The following CALN1 variants were observed in gnomAD, a reference collection of about 807,000 sequenced individuals.
CALN1 encodes the protein calcium-binding protein 8.
CALN1 carries 17 observed loss-of-function variants against 30.6 expected under a neutral mutation model. The ratio of observed to expected loss-of-function variants is 0.56; its 90% CI spans 0.38 to 0.83. The LOEUF (loss-of-function observed/expected upper bound fraction) is 0.83, where lower values mean the gene tolerates loss of function less well. Among genes scored for constraint, CALN1 ranks in the 40% least tolerant of loss-of-function variants. The pLI is 0.00. For missense variants in CALN1, 291 were observed against 354.9 expected, an observed-to-expected ratio of 0.82 and a Z score of 1.45; for synonymous variants, 156 against 131.4, an observed-to-expected ratio of 1.19 and a Z score of -1.28.
chr7:72,437,940 C>CCCTT (rs142091881), intron 1 of CALN1, among the ~76,000 whole-genome samples: 144 of 146,130 alleles, frequency 9.9e-4, no homozygotes, highest in African/African-American at 3.0e-3. Context: ...TTCCCTCTCT[C>CCCTT]CCTTCCTTCC....
At chr7:72,491,840 A>AT in the CALN1 span, among the ~76,000 whole-genome samples, 2 of 152,330 alleles carry the variant, frequency 1.3e-5, no homozygotes, top group South Asian at 4.1e-4. Context: ...ACCAACGGTC[A>AT]TTTTTTGCAC....
chr7:71,971,947 AAAAAAAAAAGAAAGAAAGAAAG>A lies in CALN1; in HGVS notation c.501+51688_501+51709del, dbSNP rs1335640188. Among the ~76,000 whole-genome samples the A allele has an allele frequency of 4.2e-3, 547 of 129,448 alleles. 9 individuals are homozygous for A. Among genetic ancestry groups the A allele is most frequent in the African/African-American group, 0.016 (529 of 32,230 alleles). The allele number at this position is 129,448 out of a possible 152,430, so 84.9% of individuals were successfully genotyped here. On this transcript the variant is annotated intron_variant, in intron 5 of 6. Transcript: ENST00000395275. ...CCCTGTCTCAAAAAAAAAAAAAAAA[AAAAAAAAAAGAAAGAAAGAAAG>A]AAAGAAAGAAAGAAAGAAAGAAAGA...
intron 1 of CALN1, among the ~76,000 whole-genome samples, chr7:72,411,594 C>G (rs1039704356): frequency 1.3e-5 from 2 of 152,162 alleles, no homozygotes; most frequent in African/African-American, 2.4e-5. Context: ...ATTGTAGTCT[C>G]AAAATACCAC....
chr7:72,173,593 G>A (rs1789130686), intron 3 of CALN1, among the ~76,000 whole-genome samples: 1 of 152,128 alleles, frequency 6.6e-6, no homozygotes, highest in African/African-American at 2.4e-5. Context: ...CAGACTTCTA[G>A]ATAACTGAAC....
At chr7:72,153,647 C>T (rs1159038562) in intron 3 of CALN1, among the ~76,000 whole-genome samples, 1 of 151,970 alleles carries the variant, frequency 6.6e-6, no homozygotes. Context: ...CGTCACTGCA[C>T]CCTAGTCTGG....
chr7:71,980,658 C>T (rs1005993537), intron 5 of CALN1, among the ~76,000 whole-genome samples: 3 of 152,118 alleles, frequency 2.0e-5, no homozygotes, highest in Non-Finnish European at 2.9e-5. Context: ...ACTTCCACGC[C>T]CTCTGCAACA....
intron 4 of CALN1, among the ~76,000 whole-genome samples, chr7:72,067,922 G>A (rs1285161051): frequency 2.0e-5 from 3 of 152,206 alleles, no homozygotes; most frequent in Non-Finnish European, 2.9e-5. Flanking sequence ...TTTGCAGAAT[G>A]TTTTAATTTT....
rs551404908 is a variant in CALN1 at position 72,420,396 on chromosome 7, T to A, written c.-225-8121A>T. 2.8e-4 allele frequency among the ~76,000 whole-genome samples: 43 copies of A among 151,862 alleles called. No homozygotes were observed. The South Asian group carries it at 6.1e-3, about 21-fold the overall frequency. On this transcript the variant is annotated intron_variant, in intron 1 of 6. Coordinates refer to the CALN1 transcript ENST00000395276. ...CCAAACAGGGGCAGATTTTGCTGAG[T>A]AGATGCTGGCTGGGAGGCTTCACTC...
At chr7:71,804,679 T>G (rs2116111698) in intron 6 of CALN1, among the ~76,000 whole-genome samples, 1 of 150,706 alleles carries the variant, frequency 6.6e-6, no homozygotes, top group South Asian at 2.2e-4. Flanking sequence ...ATGAGCCGGG[T>G]GCGGTGGCAC....
chr7:72,008,941 C>G (rs1355670396), intron 5 of CALN1, among the ~76,000 whole-genome samples: 1 of 152,158 alleles, frequency 6.6e-6, no homozygotes, highest in Non-Finnish European at 1.5e-5. Context: ...CAGGCGTGAG[C>G]CACTGTGCCC....
At chr7:71,809,502 A>G (rs918792328) in intron 6 of CALN1, among the ~76,000 whole-genome samples, 6 of 150,016 alleles carry the variant, frequency 4.0e-5, no homozygotes, top group African/African-American at 1.5e-4. Context: ...AAAAAATTTG[A>G]CCTCCTTAAG....
chr7:72,323,661 CA>C (rs199739156), intron 2 of CALN1, among the ~76,000 whole-genome samples: 199 of 96,180 alleles, frequency 2.1e-3, no homozygotes, highest in Admixed American at 3.2e-3. Flanking sequence ...GACTCCATCT[CA>C]AAAAAAAAAA....
chr7:72,116,568 G>T (rs2129541902), intron 3 of CALN1, among the ~76,000 whole-genome samples: 2 of 152,278 alleles, frequency 1.3e-5, no homozygotes, highest in South Asian at 4.1e-4. Context: ...TGGGGCTTTG[G>T]GCTTCTCCTG....
intron 5 of CALN1, among the ~76,000 whole-genome samples, chr7:71,922,507 A>G (rs933279377): frequency 4.9e-5 from 7 of 143,122 alleles, no homozygotes; most frequent in Admixed American, 4.3e-4. Context: ...ATATATAAAT[A>G]CACAATATAT....
chr7:72,238,278 G>A (rs1794608215), intron 3 of CALN1, among the ~76,000 whole-genome samples: 1 of 151,820 alleles, frequency 6.6e-6, no homozygotes, highest in African/African-American at 2.4e-5. Flanking sequence ...ATTTTAACTG[G>A]AGTCTTCTCC....
intron 5 of CALN1, among the ~76,000 whole-genome samples, chr7:71,985,586 T>TA (rs1798624875): frequency 2.4e-5 from 3 of 125,256 alleles, no homozygotes; most frequent in Non-Finnish European, 3.1e-5. Flanking sequence ...GTAGTTTTCT[T>TA]TTTTTTTTTT....
intron 3 of CALN1, among the ~76,000 whole-genome samples, chr7:72,274,043 T>C (rs1416172682): frequency 3.3e-5 from 5 of 152,018 alleles, no homozygotes; most frequent in African/African-American, 1.2e-4. Context: ...TTTCACAAAC[T>C]GGAAAATAGC....
intron 2 of CALN1, among the ~76,000 whole-genome samples, chr7:72,349,059 G>GTA (rs770122438): frequency 1.8e-4 from 28 of 152,266 alleles, no homozygotes; most frequent in Non-Finnish European, 3.2e-4. Flanking sequence ...GCTGAAAAAT[G>GTA]TATACTTAAT....
intron 3 of CALN1, among the ~76,000 whole-genome samples, chr7:72,164,238 C>T (rs901160429): frequency 6.6e-5 from 10 of 151,278 alleles, no homozygotes; most frequent in Admixed American, 4.6e-4. Context: ...CATGGTGGCA[C>T]ATGCCTATAA....
Sources: gnomAD v4.1 joint callset for allele counts (sites outside exome capture counted in the v4.1 genomes callset) on GRCh38, gnomAD v4.1.1 for gene constraint, MANE v1.5 for transcripts, NCBI Gene and HGNC (gene_info 2026-07-23, HGNC 2026-07-21) for gene names.